UBAP1: variants seen among roughly 807,000 people sequenced by gnomAD.
UBAP1 encodes ubiquitin associated protein 1.
A neutral mutation model predicts 39.0 loss-of-function variants in UBAP1; 5 were observed. The ratio of observed to expected loss-of-function variants is 0.13; its 90% CI spans 0.07 to 0.27. The LOEUF is 0.27. UBAP1 is among the 10% of genes least tolerant of loss of function. The pLI is 1.00. For missense variants in UBAP1, 490 were observed against 608.1 expected, an observed-to-expected ratio of 0.81 and a Z score of 2.04; for synonymous variants, 211 against 225.1, an observed-to-expected ratio of 0.94 and a Z score of 0.56.
intron 1 of UBAP1, among the ~76,000 whole-genome samples, chr9:34,199,101 C>A (rs575413573): frequency 6.6e-6 from 1 of 152,188 alleles, no homozygotes; most frequent in East Asian, 1.9e-4. Context: ...TGAGACGGAG[C>A]CTCGCTCTGT....
At chr9:34,234,130 T>A (rs1833564582) in intron 2 of UBAP1, 86 bp from the exon 3 acceptor site, 1 of 1,377,624 alleles carries the variant, frequency 7.3e-7, no homozygotes, top group Non-Finnish European at 9.7e-7. Flanking sequence ...TAGCAAAAAT[T>A]AATGCATATC....
chr9:34,218,524 A>ACT (rs10665050), intron 1 of UBAP1, among the ~76,000 whole-genome samples: 114,941 of 151,860 alleles, frequency 0.76, 44,019 homozygotes, highest in East Asian at 0.95. Flanking sequence ...CATATTCACA[A>ACT]CTCATTGCTG....
chr9:34,187,108 A>G (rs1830447643), intron 1 of UBAP1, among the ~76,000 whole-genome samples: 1 of 152,038 alleles, frequency 6.6e-6, no homozygotes, highest in African/African-American at 2.4e-5. Context: ...GGGTTTCATC[A>G]TATTGGTCAG....
chr9:34,237,462 C>T (rs1210709433), intron 3 of UBAP1, among the ~76,000 whole-genome samples: 1 of 151,894 alleles, frequency 6.6e-6, no homozygotes, highest in East Asian at 1.9e-4. Context: ...AGTCTATATG[C>T]AGTAAGTAAT....
chr9:34,241,886 C>T lies in UBAP1; in HGVS notation c.861C>T (p.Phe287=). The T allele has an allele frequency of 1.9e-6, 3 of 1,614,168 alleles. No individual in the cohort carries two copies. In the South Asian group the frequency reaches 3.3e-5, roughly 18 times the overall value. The part of the protein sequence containing the change: ...NQKTAKLAST[F]HSTSCLRNGT... ...AGACAGCCAAGCTGGCGAGCACTTT[C>T]CATAGCACATCCTGCCTCCGCAATG... Residue 287 remains phenylalanine, a synonymous_variant, in exon 4 of 7, where the codon TTC becomes TTT. Coordinates refer to ENST00000297661, the MANE Select transcript of UBAP1 (RefSeq NM_016525.5).
At chr9:34,243,678 T>G (rs575737046) in intron 4 of UBAP1, among the ~76,000 whole-genome samples, 7 of 152,148 alleles carry the variant, frequency 4.6e-5, no homozygotes, top group Non-Finnish European at 8.8e-5. Context: ...TTAGCAGAGA[T>G]AGGGTTTCGC....
intron 5 of UBAP1, 147 bp from the exon 6 acceptor site, chr9:34,250,511 C>A: frequency 1.8e-6 from 1 of 563,982 alleles, no homozygotes. Context: ...GTGTTGGACA[C>A]AGTCAAGGCA....
At chr9:34,214,478 T>C (rs1176266451) in intron 1 of UBAP1, among the ~76,000 whole-genome samples, 6 of 152,084 alleles carry the variant, frequency 3.9e-5, no homozygotes, top group Non-Finnish European at 2.9e-5. Context: ...TGTAGGACAA[T>C]GAAACTGGAT....
At chr9:34,223,745 G>A (rs978648892) in intron 2 of UBAP1, among the ~76,000 whole-genome samples, 28 of 152,174 alleles carry the variant, frequency 1.8e-4, no homozygotes, top group Admixed American at 9.8e-4. Context: ...GTGAGCCACC[G>A]TGCCCGGCCC....
chr9:34,222,428 T>A (rs1296622696), intron 2 of UBAP1, among the ~76,000 whole-genome samples: 1 of 152,184 alleles, frequency 6.6e-6, no homozygotes, highest in African/African-American at 2.4e-5. Context: ...ATCTTATTTT[T>A]CAGGTGAGCT....
chr9:34,207,543 G>T (rs1036107240), intron 1 of UBAP1, among the ~76,000 whole-genome samples: 11 of 151,702 alleles, frequency 7.3e-5, no homozygotes, highest in Non-Finnish European at 1.5e-4. Flanking sequence ...GTTTTCTTTT[G>T]TGTCTTTCAG....
intron 1 of UBAP1, among the ~76,000 whole-genome samples, chr9:34,218,379 A>C (rs1183441171): frequency 2.0e-5 from 3 of 147,864 alleles, no homozygotes; most frequent in Non-Finnish European, 4.5e-5. Flanking sequence ...TTGGAAAATT[A>C]TTTATTAAAT....
At chr9:34,224,287 C>G in intron 2 of UBAP1, 1 of 462,712 alleles carries the variant, frequency 2.2e-6, no homozygotes, top group Non-Finnish European at 4.0e-6. Flanking sequence ...ACTGTCCATA[C>G]GGTGTGCTGT....
At chr9:34,217,263 CAG>C (rs996477695) in intron 1 of UBAP1, among the ~76,000 whole-genome samples, 12 of 151,958 alleles carry the variant, frequency 7.9e-5, no homozygotes, top group African/African-American at 2.9e-4. Context: ...TGTTTTGAGA[CAG>C]AATCTCTGTT....
rs1484391431 is a variant in UBAP1 at position 34,242,033 on chromosome 9, A to G, written c.1008A>G (p.Thr336=). 2.5e-6 allele frequency: 4 copies of G among 1,614,154 alleles called. No individual in the cohort carries two copies. The highest frequency in any genetic ancestry group is 2.5e-6 in the Non-Finnish European group (3 of 1,180,014). ...LDSGTEMPAL[T]SSQMPSLSVL... ...GTGGCACAGAGATGCCAGCCCTGAC[A>G]TCCTCCCAGATGCCTTCCCTCTCTG... The change falls in exon 4 of 7, where the codon ACA becomes ACG. Residue 336 remains threonine (T), a synonymous_variant. Transcript: ENST00000297661.
intron 2 of UBAP1, among the ~76,000 whole-genome samples, chr9:34,221,508 G>GGA (rs1389330200): frequency 1.3e-5 from 2 of 149,846 alleles, no homozygotes; most frequent in African/African-American, 4.9e-5. Flanking sequence ...CCAGCCTGGG[G>GGA]GACAGAGCGA....
chr9:34,249,982 G>T, intron 5 of UBAP1, 21 bp downstream of exon 5: 1 of 1,612,672 alleles, frequency 6.2e-7, no homozygotes, highest in Non-Finnish European at 8.5e-7. Context: ...GGTCAGCCAG[G>T]AGGGCAGGCT....
At chr9:34,230,109 G>A (rs771633507) in intron 2 of UBAP1, among the ~76,000 whole-genome samples, 1 of 152,162 alleles carries the variant, frequency 6.6e-6, no homozygotes, top group Non-Finnish European at 1.5e-5. Context: ...TGTCGCCCAG[G>A]CTGGAGTGCA....
At chr9:34,183,858 C>A (rs528277775) in intron 1 of UBAP1, among the ~76,000 whole-genome samples, 363 of 151,410 alleles carry the variant, frequency 2.4e-3, no homozygotes, top group South Asian at 5.8e-3. Flanking sequence ...GCAACTGCCG[C>A]CTCCCGGGTT....
Sources: gnomAD v4.1 joint callset for allele counts (sites outside exome capture counted in the v4.1 genomes callset) on GRCh38, gnomAD v4.1.1 for gene constraint, MANE v1.5 for transcripts, NCBI Gene and HGNC (gene_info 2026-07-23, HGNC 2026-07-21) for gene names.